Variants in PRORP observed in about 807,000 individuals in gnomAD.
PRORP encodes the protein protein only RNase P catalytic subunit.
Under a neutral mutation model 59.4 loss-of-function variants are expected in PRORP, and 51 were observed. The observed-to-expected ratio is 0.86, with a 90% CI of 0.69 to 1.08. The LOEUF (loss-of-function observed/expected upper bound fraction) is 1.08, where lower values mean the gene tolerates loss of function less well. Ranked by LOEUF, PRORP falls within the 50% of genes least tolerant of loss-of-function variation. The pLI is 0.00. For missense variants in PRORP, 646 were observed against 690.3 expected (o/e 0.94, Z 0.72); for synonymous variants, 231 against 245.6 (o/e 0.94, Z 0.55).
intron 6 of PRORP, 132 bp downstream of exon 6, chr14:35,267,007 A>T (rs1308505212): frequency 2.4e-6 from 2 of 838,224 alleles, no homozygotes; most frequent in Non-Finnish European, 3.4e-6. Flanking sequence ...AAAAAAAAAG[A>T]TTTGAGACAA....
chr14:35,222,947 G>T (rs920239395), intron 5 of PRORP, among the ~76,000 whole-genome samples: 2 of 151,908 alleles, frequency 1.3e-5, no homozygotes, highest in African/African-American at 2.4e-5. Flanking sequence ...TGTCTGTCTG[G>T]GGTTACACTC....
rs2049144622 is a variant in PRORP, at chr14:35,201,390, C to A, written c.1275+20613C>A. Among the ~76,000 whole-genome samples the A allele has an allele frequency of 2.6e-5, 4 of 151,994 alleles. 1 individual carries two copies. In the South Asian group the frequency reaches 8.3e-4, roughly 32 times the overall value. ...GTATTTACGTAAATTATTTGGAATT[C>A]TCCCCATGAAATTGTCTGTTCTACC... On this transcript the variant is annotated intron_variant, in intron 5 of 7. Coordinates refer to ENST00000534898, the MANE Select transcript of PRORP (RefSeq NM_014672.4).
chr14:35,242,557 A>C (rs965153775), intron 5 of PRORP, among the ~76,000 whole-genome samples: 1 of 152,220 alleles, frequency 6.6e-6, no homozygotes, highest in African/African-American at 2.4e-5. Context: ...ATAAGAGTGT[A>C]GTGTGTATCT....
chr14:35,268,830 A>C (rs533463995), intron 6 of PRORP, among the ~76,000 whole-genome samples: 33 of 152,218 alleles, frequency 2.2e-4, no homozygotes, highest in African/African-American at 7.0e-4. Flanking sequence ...TCCTGACCTC[A>C]TGATCCACCC....
intron 5 of PRORP, among the ~76,000 whole-genome samples, chr14:35,202,113 G>T (rs1185816409): frequency 1.3e-5 from 2 of 151,698 alleles, no homozygotes; most frequent in Non-Finnish European, 2.9e-5. Flanking sequence ...GGGACTACAG[G>T]CGCCCGCCAC....
chr14:35,180,859 C>A, intron 5 of PRORP, 82 bp downstream of exon 5: 1 of 884,420 alleles, frequency 1.1e-6, no homozygotes, highest in Non-Finnish European at 1.8e-6. Context: ...GGGCTCTTAG[C>A]TCCTCAGTTT....
chr14:35,268,395 A>G (rs1378174126), intron 6 of PRORP, among the ~76,000 whole-genome samples: 1 of 151,792 alleles, frequency 6.6e-6, no homozygotes, highest in Non-Finnish European at 1.5e-5. Flanking sequence ...CCATAAAGTA[A>G]GAAGAAAATA....
At chr14:35,134,242 C>G (rs1302521044) in intron 4 of PRORP, among the ~76,000 whole-genome samples, 4 of 152,022 alleles carry the variant, frequency 2.6e-5, no homozygotes. Flanking sequence ...GCAGAGGAGC[C>G]CCACCGTGTG....
chr14:35,191,063 A>G (rs11625942), intron 5 of PRORP, among the ~76,000 whole-genome samples: 29,123 of 152,210 alleles, frequency 0.19, 3,341 homozygotes, highest in Non-Finnish European at 0.27. Context: ...AAAGCCAGGC[A>G]TGGTAGCATG....
chr14:35,210,506 C>G (rs940356203), intron 5 of PRORP, among the ~76,000 whole-genome samples: 1 of 151,540 alleles, frequency 6.6e-6, no homozygotes, highest in African/African-American at 2.4e-5. Context: ...TAGAAAAAGA[C>G]TTATACAGGG....
chr14:35,175,428 C>A (rs754575522), intron 4 of PRORP, among the ~76,000 whole-genome samples: 2 of 151,854 alleles, frequency 1.3e-5, no homozygotes. Flanking sequence ...TTTTAATGAT[C>A]GCCATTCTAA....
At chr14:35,187,012 C>T (rs868611827) in intron 5 of PRORP, among the ~76,000 whole-genome samples, 14 of 152,276 alleles carry the variant, frequency 9.2e-5, no homozygotes, top group East Asian at 1.9e-4. Flanking sequence ...ATTGCCAAAT[C>T]GTGTTCCATT....
chr14:35,223,542 C>T (rs1566507883), intron 5 of PRORP, among the ~76,000 whole-genome samples: 1 of 148,266 alleles, frequency 6.7e-6, no homozygotes, highest in Non-Finnish European at 1.5e-5. Context: ...TCACTGCAAC[C>T]TCTGCCTCCC....
At chr14:35,172,051 A>C (rs1595235681) in intron 4 of PRORP, among the ~76,000 whole-genome samples, 3 of 92,584 alleles carry the variant, frequency 3.2e-5, no homozygotes, top group Non-Finnish European at 7.0e-5. Context: ...ATTTACTTCT[A>C]ATTTTTTTTT....
intron 5 of PRORP, among the ~76,000 whole-genome samples, chr14:35,265,194 A>C (rs1224956605): frequency 6.6e-6 from 1 of 152,172 alleles, no homozygotes; most frequent in Non-Finnish European, 1.5e-5. Flanking sequence ...ATGAGTAAAG[A>C]GAAGCTAGAC....
chr14:35,186,277 C>T (rs547584714), intron 5 of PRORP, among the ~76,000 whole-genome samples: 5 of 151,826 alleles, frequency 3.3e-5, no homozygotes, highest in East Asian at 1.9e-4. Context: ...ACCACCATGC[C>T]GCCTAGATTT....
At chr14:35,202,497 T>C (rs188560534) in intron 5 of PRORP, among the ~76,000 whole-genome samples, 1 of 152,298 alleles carries the variant, frequency 6.6e-6, no homozygotes, top group African/African-American at 2.4e-5. Flanking sequence ...GTTTTTGTGT[T>C]TCCTTAGCAG....
In PRORP at chr14:35,136,884, A is replaced by G. The variant is rs993762444; in HGVS notation, c.1167+9273A>G. Reference sequence around the variant, plus strand: ...GATGGGGAACACCAGCATAGGAAGGAAGGTCAGAGAAGAAGTTTCATATAT... The same window carrying G: ...GATGGGGAACACCAGCATAGGAAGGGAGGTCAGAGAAGAAGTTTCATATAT... On this transcript the variant is annotated intron_variant, in intron 4 of 7. Coordinates refer to ENST00000534898, the MANE Select transcript of PRORP (RefSeq NM_014672.4). Among the ~76,000 whole-genome samples the G allele has an allele frequency of 3.0e-4, 43 of 145,746 alleles. 2 individuals carry two copies. The highest frequency in any genetic ancestry group is 1.0e-3 in the African/African-American group (42 of 41,020).
At chr14:35,200,578 GTTATA>G (rs977215294) in intron 5 of PRORP, among the ~76,000 whole-genome samples, 5 of 151,638 alleles carry the variant, frequency 3.3e-5, no homozygotes, top group Admixed American at 6.6e-5. Context: ...TAAAATTAGT[GTTATA>G]TTATTTTTAT....
Sources: allele counts gnomAD v4.1 joint callset (sites outside exome capture counted in the v4.1 genomes callset), GRCh38; gene constraint gnomAD v4.1.1; transcripts MANE v1.5; gene names NCBI Gene and HGNC (gene_info 2026-07-23, HGNC 2026-07-21).